The following TIMM23 variants were observed in gnomAD, a reference collection of about 807,000 sequenced individuals.
TIMM23 encodes mitochondrial import inner membrane translocase subunit Tim23.
A neutral mutation model predicts 30.7 loss-of-function variants in TIMM23; 19 were observed. The ratio of observed to expected loss-of-function variants is 0.62; its 90% CI spans 0.43 to 0.91. The LOEUF is 0.91. Ranked by LOEUF, TIMM23 falls within the 40% of genes least tolerant of loss-of-function variation. TIMM23 has a pLI of 0.00. For synonymous variants in TIMM23, 78 were observed against 98.5 expected (o/e 0.79, Z 1.23); for missense variants, 202 against 269.2 (o/e 0.75, Z 1.75).
At chr10:45,973,640 T>G (rs1837570834) in intron 1 of TIMM23, among the ~76,000 whole-genome samples, 1 of 152,104 alleles carries the variant, frequency 6.6e-6, no homozygotes, top group African/African-American at 2.4e-5. Context: ...TTTTGTTTCG[T>G]TTTTTTGTTT....
In TIMM23 at chr10:45,974,257, G is replaced by T. The variant is rs1554912497; in HGVS notation, c.107-1197G>T. On this transcript the variant is annotated intron_variant, in intron 1 of 6. Transcript: ENST00000580018. ...AACAAACATAAATTAAAACATTGCC[G>T]TTAGTGATAAGTGCTGTAAAGGGAA... Among the ~76,000 whole-genome samples, 4 of 151,944 alleles carry T rather than the reference G, an allele frequency of 2.6e-5. No individual in the cohort carries two copies. The South Asian group carries it at 6.2e-4, about 24-fold the overall frequency.
At chr10:45,978,118 G>A (rs1219155164) in intron 2 of TIMM23, among the ~76,000 whole-genome samples, 10 of 152,182 alleles carry the variant, frequency 6.6e-5, no homozygotes, top group Non-Finnish European at 1.2e-4. Context: ...TTAAGAGGCT[G>A]AGGCGGGAGG....
At chr10:45,991,713 T>C (rs1590124260) in intron 6 of TIMM23, among the ~76,000 whole-genome samples, 1 of 151,348 alleles carries the variant, frequency 6.6e-6, no homozygotes, top group Non-Finnish European at 1.5e-5. Flanking sequence ...ATCACGCCAC[T>C]GCACTCTAGC....
chr10:45,975,079 G>C (rs1185608065), intron 1 of TIMM23, among the ~76,000 whole-genome samples: 2 of 152,184 alleles, frequency 1.3e-5, no homozygotes, highest in African/African-American at 4.8e-5. Flanking sequence ...CCATGGAATT[G>C]ATTAGTCTTT....
At chr10:45,976,912 G>C (rs1209104852) in intron 2 of TIMM23, among the ~76,000 whole-genome samples, 2 of 152,208 alleles carry the variant, frequency 1.3e-5, no homozygotes, top group African/African-American at 4.8e-5. Flanking sequence ...ACTAATGATC[G>C]AGTTCAGCAA....
intron 1 of TIMM23, among the ~76,000 whole-genome samples, chr10:45,974,980 C>T (rs1464607902): frequency 2.6e-5 from 4 of 151,840 alleles, no homozygotes; most frequent in African/African-American, 4.8e-5. Flanking sequence ...GTAAATCAAT[C>T]GTTAATAGTA....
At chr10:45,994,345 A>T (rs1304819808) in intron 6 of TIMM23, among the ~76,000 whole-genome samples, 18 of 151,294 alleles carry the variant, frequency 1.2e-4, no homozygotes, top group Non-Finnish European at 1.5e-4. Context: ...TCTCAAAAAA[A>T]TAAAAATAAA....
chr10:45,996,175 C>G (rs1377297642), intron 6 of TIMM23, among the ~76,000 whole-genome samples: 6 of 141,314 alleles, frequency 4.2e-5, no homozygotes, highest in African/African-American at 1.1e-4. Flanking sequence ...TCCTGGCTAA[C>G]ACAGTGAAAC....
chr10:45,977,438 G>C (rs1485481987), intron 2 of TIMM23, among the ~76,000 whole-genome samples: 2 of 152,180 alleles, frequency 1.3e-5, no homozygotes, highest in Non-Finnish European at 2.9e-5. Context: ...TTGCTTTTCA[G>C]CAAGGATGCC....
intron 5 of TIMM23, among the ~76,000 whole-genome samples, chr10:45,985,910 G>A (rs1837975999): frequency 6.6e-6 from 1 of 152,200 alleles, no homozygotes. Flanking sequence ...TAGGTTCCTT[G>A]TAGATAATGA....
intron 2 of TIMM23, among the ~76,000 whole-genome samples, chr10:45,979,330 AAGTCTCCCAGACTGG>A (rs1448931747): frequency 1.3e-5 from 2 of 152,184 alleles, no homozygotes; most frequent in African/African-American, 4.8e-5. Context: ...CTAAGAGACA[AAGTCTCCCAGACTGG>A]AGTTGCAGTA....
At position 45,988,106 on chromosome 10, in the gene TIMM23, T is replaced by A. The variant is rs1222233420; in HGVS notation, c.404-631T>A. 5.6e-3 allele frequency among the ~76,000 whole-genome samples: 850 copies of A among 152,246 alleles called. 5 individuals carry two copies. Among genetic ancestry groups the A allele is most frequent in the African/African-American group, 0.02 (813 of 41,520 alleles). The stretch of plus-strand genomic sequence containing the variant: ...ATGAGTTCAGCTGTCCAGAAAGTCC[T>A]CCGACCCCATCCACTTGGGCCTCAT... On this transcript the variant is annotated intron_variant, in intron 5 of 6. Coordinates refer to ENST00000580018, the MANE Select transcript of TIMM23 (RefSeq NM_006327.4).
At chr10:45,975,958 C>T (rs1449512843) in intron 2 of TIMM23, among the ~76,000 whole-genome samples, 21 of 152,148 alleles carry the variant, frequency 1.4e-4, no homozygotes, top group African/African-American at 4.8e-4. Flanking sequence ...CCCACCACCA[C>T]GCCTGGCTAA....
chr10:45,998,116 T>C (rs587669361), intron 6 of TIMM23, among the ~76,000 whole-genome samples: 1 of 152,312 alleles, frequency 6.6e-6, no homozygotes, highest in African/African-American at 2.4e-5. Context: ...TTTTACGTTT[T>C]TTAGTTACGT....
rs1161990914 is a variant in TIMM23 at position 45,986,804 on chromosome 10, C to CGTGTGTGTGT, written c.403+1374_403+1383dup. On this transcript the variant is annotated intron_variant, in intron 5 of 6. Transcript: ENST00000580018. Reference sequence around the variant, plus strand: ...TCTATTTTTTCTTATACTAGAAATACGTGTGTGTGTGTGTGTGTGTATGTG... The same window carrying CGTGTGTGTGT: ...TCTATTTTTTCTTATACTAGAAATACGTGTGTGTGTGTGTGTGTGTGTGTGTGTGTATGTG... Among the ~76,000 whole-genome samples the CGTGTGTGTGT allele has an allele frequency of 8.2e-4, 123 of 149,492 alleles. 1 individual carries two copies. The highest frequency in any genetic ancestry group is 3.5e-3 in the Middle Eastern group (1 of 288).
At chr10:45,978,783 G>C (rs1333624103) in intron 2 of TIMM23, among the ~76,000 whole-genome samples, 1 of 151,844 alleles carries the variant, frequency 6.6e-6, no homozygotes, top group African/African-American at 2.4e-5. Context: ...TTTCACTTGC[G>C]TATACTCCAT....
intron 6 of TIMM23, among the ~76,000 whole-genome samples, chr10:45,996,278 C>A (rs201151615): frequency 1.4e-5 from 2 of 144,202 alleles, no homozygotes; most frequent in Non-Finnish European, 3.0e-5. Flanking sequence ...AGGAGAATGG[C>A]GTGAACCTGG....
chr10:45,974,237 A>G (rs1313956992), intron 1 of TIMM23, among the ~76,000 whole-genome samples: 1 of 152,084 alleles, frequency 6.6e-6, no homozygotes, highest in Non-Finnish European at 1.5e-5. Flanking sequence ...AAACCAACAA[A>G]CATAAATTAA....
chr10:45,986,257 C>T (rs1486802976), intron 5 of TIMM23, among the ~76,000 whole-genome samples: 21 of 152,260 alleles, frequency 1.4e-4, no homozygotes, highest in African/African-American at 5.1e-4. Flanking sequence ...GAGATGGCTG[C>T]TTTCATATGT....
Sources: gnomAD v4.1 joint callset for allele counts (sites outside exome capture counted in the v4.1 genomes callset) on GRCh38, gnomAD v4.1.1 for gene constraint, MANE v1.5 for transcripts, NCBI Gene and HGNC (gene_info 2026-07-23, HGNC 2026-07-21) for gene names.